Variants in EPHA6 observed in about 807,000 individuals in gnomAD.
EPHA6 encodes EPH receptor A6, also known as ephrin type-A receptor 6.
EPHA6 carries 50 observed loss-of-function variants against 112.0 expected under a neutral mutation model. The ratio of observed to expected loss-of-function variants is 0.45; its 90% CI spans 0.36 to 0.56. The LOEUF (loss-of-function observed/expected upper bound fraction) is 0.56, where lower values mean the gene tolerates loss of function less well. EPHA6 is among the 20% of genes least tolerant of loss of function. The pLI is 0.00. For synonymous variants in EPHA6, 529 were observed against 490.7 expected (o/e 1.08, Z -1.03); for missense variants, 1,280 against 1,417.4 (o/e 0.90, Z 1.56).
chr3:97,644,799 G>T (rs2107588178), intron 14 of EPHA6, among the ~76,000 whole-genome samples: 1 of 151,902 alleles, frequency 6.6e-6, no homozygotes, highest in South Asian at 2.1e-4. Context: ...ATAATCAATA[G>T]TTTACCAACC....
At chr3:97,015,699 A>G (rs2044241119) in intron 3 of EPHA6, among the ~76,000 whole-genome samples, 1 of 152,202 alleles carries the variant, frequency 6.6e-6, no homozygotes, top group Non-Finnish European at 1.5e-5. Context: ...GAGAGGAGTG[A>G]ACACTGCTGG....
At chr3:97,029,693 G>A (rs905581549) in intron 3 of EPHA6, among the ~76,000 whole-genome samples, 3 of 152,030 alleles carry the variant, frequency 2.0e-5, no homozygotes, top group Non-Finnish European at 4.4e-5. Context: ...ATTGAATTGT[G>A]TATTCATCAA....
chr3:97,347,747 C>T (rs1452214698), intron 5 of EPHA6, among the ~76,000 whole-genome samples: 1 of 152,038 alleles, frequency 6.6e-6, no homozygotes, highest in East Asian at 1.9e-4. Flanking sequence ...GTGAAATTTT[C>T]CATGCCCTTC....
chr3:96,957,881 G>A (rs1422293099), intron 2 of EPHA6, among the ~76,000 whole-genome samples: 2 of 152,048 alleles, frequency 1.3e-5, no homozygotes, highest in Admixed American at 1.3e-4. Flanking sequence ...ATCATATTGG[G>A]TTGTTTTCAC....
At position 97,013,107 on chromosome 3, in the gene EPHA6, C is replaced by T. The variant is rs541297070; in HGVS notation, c.1114+25114C>T. Among the ~76,000 whole-genome samples the T allele has an allele frequency of 2.0e-5, 3 of 152,108 alleles. No homozygotes were observed. In the South Asian group the frequency reaches 6.2e-4, roughly 32 times the overall value. On this transcript the variant is annotated intron_variant, in intron 3 of 17. Transcript: ENST00000389672. ...TAGAAGCTCTTTAACTTAATTAGGC[C>T]TCACTTGTCAATTTTTGTTTTTGTT...
chr3:97,718,650 C>T (rs1576346535), intron 14 of EPHA6, among the ~76,000 whole-genome samples: 1 of 152,210 alleles, frequency 6.6e-6, no homozygotes, highest in East Asian at 1.9e-4. Flanking sequence ...CTTGCAACTC[C>T]CTGCCCCCCA....
chr3:97,327,229 C>G (rs758441810), intron 5 of EPHA6, among the ~76,000 whole-genome samples: 13 of 152,036 alleles, frequency 8.6e-5, no homozygotes, highest in African/African-American at 3.1e-4. Flanking sequence ...TATATATTTA[C>G]TAATCTATGC....
intron 13 of EPHA6, among the ~76,000 whole-genome samples, chr3:97,625,715 T>A (rs1309469461): frequency 6.6e-6 from 1 of 151,796 alleles, no homozygotes; most frequent in Non-Finnish European, 1.5e-5. Context: ...ATGTTTGTAA[T>A]TGTTGTATCT....
chr3:96,924,513 G>A (rs532000574), intron 2 of EPHA6, among the ~76,000 whole-genome samples: 3 of 152,260 alleles, frequency 2.0e-5, no homozygotes, highest in East Asian at 1.9e-4. Context: ...AGATTTTACC[G>A]AAGTTGCTTA....
chr3:97,311,779 T>A (rs1161280102), intron 5 of EPHA6, among the ~76,000 whole-genome samples: 1 of 123,892 alleles, frequency 8.1e-6, no homozygotes, highest in Non-Finnish European at 1.5e-5. Context: ...TCCTTTACAA[T>A]TTTTTATTTG....
At chr3:97,569,167 T>C (rs907430044) in intron 11 of EPHA6, among the ~76,000 whole-genome samples, 3 of 152,194 alleles carry the variant, frequency 2.0e-5, no homozygotes, top group Non-Finnish European at 2.9e-5. Context: ...GTTACCACCA[T>C]AGCTCCTAAA....
chr3:97,211,789 C>T (rs1245685803), intron 3 of EPHA6, among the ~76,000 whole-genome samples: 1 of 152,114 alleles, frequency 6.6e-6, no homozygotes, highest in Admixed American at 6.6e-5. Context: ...GAAAATAAGT[C>T]GCCTTAAATG....
intron 2 of EPHA6, among the ~76,000 whole-genome samples, chr3:96,892,192 G>A (rs1325116295): frequency 6.6e-6 from 1 of 152,018 alleles, no homozygotes; most frequent in African/African-American, 2.4e-5. Context: ...CTGTGCTTGG[G>A]CCCAGTTATG....
chr3:97,378,381 C>A (rs562731073), intron 5 of EPHA6, among the ~76,000 whole-genome samples: 1 of 152,154 alleles, frequency 6.6e-6, no homozygotes, highest in Admixed American at 6.6e-5. Context: ...TCATGGAGAA[C>A]CTCTACTAGG....
intron 5 of EPHA6, among the ~76,000 whole-genome samples, chr3:97,268,679 T>A (rs2079778581): frequency 6.6e-6 from 1 of 152,038 alleles, no homozygotes; most frequent in Non-Finnish European, 1.5e-5. Flanking sequence ...TCTAGAAAAA[T>A]GATGTTGGTG....
At chr3:97,148,652 A>G (rs1470843090) in intron 3 of EPHA6, among the ~76,000 whole-genome samples, 2 of 152,124 alleles carry the variant, frequency 1.3e-5, no homozygotes, top group Non-Finnish European at 2.9e-5. Flanking sequence ...TTAAAAAATT[A>G]TATCTAAAAT....
intron 3 of EPHA6, among the ~76,000 whole-genome samples, chr3:97,125,743 C>T (rs2048165613): frequency 6.6e-6 from 1 of 152,126 alleles, no homozygotes; most frequent in Admixed American, 6.5e-5. Context: ...AGTACTCAAA[C>T]GTGTTTAATT....
At chr3:97,463,384 T>C (rs566781177) in intron 7 of EPHA6, among the ~76,000 whole-genome samples, 1 of 152,250 alleles carries the variant, frequency 6.6e-6, no homozygotes, top group African/African-American at 2.4e-5. Flanking sequence ...CTAAGAGCAT[T>C]TGAGGCAGTT....
Position 97,042,314 on chromosome 3 carries a change from G to T in EPHA6, c.1114+54321G>T, listed in dbSNP as rs540884155. On this transcript the variant is annotated intron_variant, in intron 3 of 17. Transcript: ENST00000389672. ...TTCCTGCTTTTGCTGTTACGTGCCTGCTTCCCCTGCACCTTCCACTATGAT... is the reference window on the plus strand; with the variant it reads ...TTCCTGCTTTTGCTGTTACGTGCCTTCTTCCCCTGCACCTTCCACTATGAT... 1.2e-4 allele frequency among the ~76,000 whole-genome samples: 18 copies of T among 152,162 alleles called. No homozygotes were observed. In the East Asian group the frequency reaches 3.5e-3, roughly 30 times the overall value.
Sources: gnomAD v4.1 joint callset for allele counts (sites outside exome capture counted in the v4.1 genomes callset) on GRCh38, gnomAD v4.1.1 for gene constraint, MANE v1.5 for transcripts, NCBI Gene and HGNC (gene_info 2026-07-23, HGNC 2026-07-21) for gene names.